The following EBF3 variants were observed in gnomAD, a reference collection of about 807,000 sequenced individuals.
EBF3 encodes transcription factor COE3.
Under a neutral mutation model 77.1 loss-of-function variants are expected in EBF3, and 18 were observed. That is an observed-to-expected ratio of 0.23 (90% CI 0.16 to 0.35). The LOEUF is 0.35. Ranked by LOEUF, EBF3 falls within the 10% of genes least tolerant of loss-of-function variation. The pLI is 1.00. For missense variants in EBF3, 558 were observed against 860.0 expected (o/e 0.65, Z 4.39); for synonymous variants, 350 against 343.5 (o/e 1.02, Z -0.21).
chr10:129,934,174 CT>C (rs1857206598), intron 6 of EBF3, among the ~76,000 whole-genome samples: 1 of 152,096 alleles, frequency 6.6e-6, no homozygotes, highest in African/African-American at 2.4e-5. Flanking sequence ...AATATCCCCC[CT>C]CTCCAGCCTC....
chr10:129,883,006 T>C (rs1374210930), intron 6 of EBF3, among the ~76,000 whole-genome samples: 1 of 152,212 alleles, frequency 6.6e-6, no homozygotes, highest in African/African-American at 2.4e-5. Context: ...ACCCTGGTGA[T>C]TGAAGAGAAA....
In EBF3 at chr10:129,912,566, G is replaced by A. The variant is rs537682742; in HGVS notation, c.555-34717C>T. ...CCCAAATTGAGCATTTGCTTGACAT[G>A]ATGGCAAAGTGAGTGCTATTTTCTG... On this transcript the variant is annotated intron_variant, in intron 6 of 16. Coordinates refer to ENST00000440978, the MANE Select transcript of EBF3 (RefSeq NM_001375380.1). Among the ~76,000 whole-genome samples, 3 of 152,340 alleles carry A rather than the reference G, an allele frequency of 2.0e-5. No homozygotes were observed. In the East Asian group the frequency reaches 5.8e-4, roughly 29 times the overall value.
chr10:129,916,526 C>A (rs1313634757), intron 6 of EBF3, among the ~76,000 whole-genome samples: 2 of 152,194 alleles, frequency 1.3e-5, no homozygotes, highest in Non-Finnish European at 2.9e-5. Context: ...TTAGGCACAG[C>A]CTAGAGAAGC....
At chr10:129,930,748 TAAC>T (rs1856964485) in intron 6 of EBF3, among the ~76,000 whole-genome samples, 1 of 146,116 alleles carries the variant, frequency 6.8e-6, no homozygotes, top group African/African-American at 2.5e-5. Flanking sequence ...ATCTCTATAT[TAAC>T]AAATCCCCCT....
At chr10:129,867,970 G>A in intron 8 of EBF3, 58 bp from the exon 9 acceptor site, 1 of 1,589,284 alleles carries the variant, frequency 6.3e-7, no homozygotes. Flanking sequence ...CCGACGCTGG[G>A]CCGCTCGGCC....
intron 6 of EBF3, among the ~76,000 whole-genome samples, chr10:129,919,491 C>T (rs1017891261): frequency 4.6e-5 from 7 of 152,104 alleles, no homozygotes; most frequent in Non-Finnish European, 1.0e-4. Context: ...CACAGGCCAC[C>T]TGTGCTGAAA....
intron 6 of EBF3, among the ~76,000 whole-genome samples, chr10:129,937,782 C>G (rs1857462120): frequency 2.0e-5 from 3 of 152,166 alleles, no homozygotes; most frequent in Admixed American, 2.0e-4. Flanking sequence ...GGGAGCAGCT[C>G]TAAAGGAGTT....
chr10:129,933,372 T>C (rs1857157761), intron 6 of EBF3, among the ~76,000 whole-genome samples: 1 of 152,174 alleles, frequency 6.6e-6, no homozygotes, highest in Non-Finnish European at 1.5e-5. Flanking sequence ...GCCCCGAGTA[T>C]GGGGAGGACC....
At chr10:129,942,260 A>G (rs764680526) in intron 6 of EBF3, among the ~76,000 whole-genome samples, 2 of 152,204 alleles carry the variant, frequency 1.3e-5, no homozygotes, top group Non-Finnish European at 2.9e-5. Flanking sequence ...ACAAGAAAAC[A>G]TCTTTCTAGG....
intron 6 of EBF3, among the ~76,000 whole-genome samples, chr10:129,922,678 C>T (rs575750679): frequency 3.3e-5 from 5 of 152,262 alleles, no homozygotes; most frequent in Admixed American, 6.5e-5. Flanking sequence ...ATGCCAGCCA[C>T]AAGGACCCTT....
rs1352646756 is a variant in EBF3, at chr10:129,879,938, C to T, written c.555-2089G>A. Among the ~76,000 whole-genome samples the T allele has an allele frequency of 6.6e-6, 1 of 152,146 alleles. No individual in the cohort carries two copies. The highest frequency in any genetic ancestry group is 1.9e-4 in the East Asian group (1 of 5,194). On this transcript the variant is annotated intron_variant, in intron 6 of 16. Transcript: ENST00000440978. This position sits in a 1 kb window ranked among gnomAD's most constrained non-coding sequence, Gnocchi z 4.7. ...CCACCCAGCTAATCTTCGGAGCAGGCGCCGGCCCGAGAAGCTGCTCATCTG... is the reference window on the plus strand; with the variant it reads ...CCACCCAGCTAATCTTCGGAGCAGGTGCCGGCCCGAGAAGCTGCTCATCTG...
Position 129,950,182 on chromosome 10 carries a change from T to C in EBF3, c.554+7076A>G, listed in dbSNP as rs1189745586. 2.0e-5 allele frequency among the ~76,000 whole-genome samples: 3 copies of C among 152,164 alleles called. No homozygotes were observed. The East Asian group carries it at 5.8e-4, about 29-fold the overall frequency. ...CCGTTCGCGGGGCCTGGGCTCCATGTCCTACAACAACACAACCGCGAGCCC... is the reference window on the plus strand; with the variant it reads ...CCGTTCGCGGGGCCTGGGCTCCATGCCCTACAACAACACAACCGCGAGCCC... On this transcript the variant is annotated intron_variant, in intron 6 of 16. Coordinates refer to ENST00000440978, the MANE Select transcript of EBF3 (RefSeq NM_001375380.1).
chr10:129,837,867 A>G lies in EBF3; in HGVS notation c.*76T>C. 6.2e-7 allele frequency: 1 copy of G among 1,603,454 alleles called. No homozygotes were observed. ...TTCCATCAGCATGTCTTAATATACT[A>G]AACGTGTCCCCTGAAGTCCGTCCTT... On this transcript the variant is annotated 3_prime_UTR_variant, in exon 17 of 17. Transcript: ENST00000440978.
intron 6 of EBF3, among the ~76,000 whole-genome samples, chr10:129,895,758 A>G (rs1479228707): frequency 1.4e-5 from 2 of 147,858 alleles, no homozygotes; most frequent in African/African-American, 5.2e-5. Context: ...GATACTTTTG[A>G]TTACTTTCCT....
At chr10:129,946,334 T>C (rs1309829478) in intron 6 of EBF3, among the ~76,000 whole-genome samples, 1 of 152,214 alleles carries the variant, frequency 6.6e-6, no homozygotes, top group Non-Finnish European at 1.5e-5. Context: ...TGTTTGGGGC[T>C]GGAATGGGGT....
In EBF3 at chr10:129,939,891, G is replaced by A. The variant is rs192010628; in HGVS notation, c.554+17367C>T. On this transcript the variant is annotated intron_variant, in intron 6 of 16. Transcript: ENST00000440978. ...TAGATACCACGTCCTGAGGACTTAC[G>A]AGGAGTTATGCTAAGACCTGTGAGA... 1.8e-4 allele frequency among the ~76,000 whole-genome samples: 27 copies of A among 152,354 alleles called. No individual in the cohort carries two copies. The East Asian group carries it at 5.0e-3, about 28-fold the overall frequency.
At chr10:129,891,646 A>G (rs1195671258) in intron 6 of EBF3, among the ~76,000 whole-genome samples, 4 of 152,176 alleles carry the variant, frequency 2.6e-5, no homozygotes, top group Non-Finnish European at 5.9e-5. Flanking sequence ...TGATGTCTGT[A>G]CCAATACAGG....
At chr10:129,881,618 G>A (rs1395839768) in intron 6 of EBF3, among the ~76,000 whole-genome samples, 2 of 152,156 alleles carry the variant, frequency 1.3e-5, no homozygotes, top group Non-Finnish European at 2.9e-5. Flanking sequence ...CGGTGCACAG[G>A]GACTAGGACA....
intron 16 of EBF3, 129 bp from the exon 17 acceptor site, chr10:129,838,089 C>G (rs1849731186): frequency 8.9e-7 from 1 of 1,126,926 alleles, no homozygotes; most frequent in South Asian, 1.4e-5. Flanking sequence ...TTCCGTCCAC[C>G]AGCCTCGGGC....
Sources: gnomAD v4.1 joint callset for allele counts (sites outside exome capture counted in the v4.1 genomes callset) on GRCh38, gnomAD v4.1.1 for gene constraint, Gnocchi (gnomAD v3.1) non-coding constraint, MANE v1.5 for transcripts, NCBI Gene and HGNC (gene_info 2026-07-23, HGNC 2026-07-21) for gene names.